The following CACNA2D1 variants were observed in gnomAD, a reference collection of about 807,000 sequenced individuals.
CACNA2D1 encodes voltage-dependent calcium channel subunit alpha-2/delta-1.
A neutral mutation model predicts 171.5 loss-of-function variants in CACNA2D1; 53 were observed. The ratio of observed to expected loss-of-function variants is 0.31; its 90% CI spans 0.25 to 0.39. The LOEUF (loss-of-function observed/expected upper bound fraction) is 0.39, where lower values mean the gene tolerates loss of function less well. CACNA2D1 is among the 10% of genes least tolerant of loss of function. CACNA2D1 has a pLI of 1.00. For synonymous variants in CACNA2D1, 442 were observed against 443.1 expected (o/e 1.00, Z 0.03); for missense variants, 903 against 1,299.8 (o/e 0.69, Z 4.69).
intron 24 of CACNA2D1, among the ~76,000 whole-genome samples, chr7:81,980,551 C>A (rs1422681633): frequency 1.3e-5 from 2 of 152,086 alleles, no homozygotes; most frequent in Non-Finnish European, 2.9e-5. Context: ...ATCATAAAGA[C>A]AATATACAAT....
intron 31 of CACNA2D1, 114 bp downstream of exon 31, chr7:81,967,055 A>G: frequency 2.8e-6 from 2 of 706,940 alleles, no homozygotes; most frequent in Non-Finnish European, 2.4e-6. Context: ...ATTTCCATAG[A>G]ATTTTTTAGC....
chr7:82,347,961 GA>G (rs1248179851), intron 2 of CACNA2D1, among the ~76,000 whole-genome samples: 1 of 150,886 alleles, frequency 6.6e-6, no homozygotes, highest in African/African-American at 2.4e-5. Flanking sequence ...AGCAGATTCA[GA>G]AAAAAAAAGT....
At chr7:82,215,226 C>A (rs1428000482) in intron 3 of CACNA2D1, among the ~76,000 whole-genome samples, 1 of 152,138 alleles carries the variant, frequency 6.6e-6, no homozygotes, top group Non-Finnish European at 1.5e-5. Context: ...TCCATTATTC[C>A]TGTTTTCTTA....
Position 82,217,910 on chromosome 7 carries a change from A to ATTATTTATTTATTTATTTAT in CACNA2D1, c.295-47321_295-47302dup, listed in dbSNP as rs60997591. On this transcript the variant is annotated intron_variant, in intron 3 of 38. Coordinates refer to ENST00000356860, the MANE Select transcript of CACNA2D1 (RefSeq NM_000722.4). ...CTATGTAGGGCTTCACCAAGACTAC[A>ATTATTTATTTATTTATTTAT]TTATTTATTTATTTATTTATTTATT... Among the ~76,000 whole-genome samples, 457 of 143,818 alleles carry ATTATTTATTTATTTATTTAT rather than the reference A, an allele frequency of 3.2e-3. 1 individual carries two copies. Among genetic ancestry groups the ATTATTTATTTATTTATTTAT allele is most frequent in the East Asian group, 7.3e-3 (36 of 4,920 alleles). 94.4% of individuals were successfully genotyped at this position (143,818 alleles called of 152,430 possible).
intron 9 of CACNA2D1, among the ~76,000 whole-genome samples, chr7:82,063,572 T>C (rs76722565): frequency 1.0e-3 from 152 of 151,650 alleles, no homozygotes; most frequent in African/African-American, 2.4e-3. Context: ...TTTTTTTTTT[T>C]CCTCAGGGAA....
At chr7:81,985,928 TA>T (rs1350406780) in intron 21 of CACNA2D1, among the ~76,000 whole-genome samples, 5 of 152,138 alleles carry the variant, frequency 3.3e-5, no homozygotes, top group African/African-American at 7.2e-5. Flanking sequence ...CTGCCCAAAA[TA>T]AAAAGCTGTT....
At chr7:82,302,101 T>C (rs556668699) in intron 3 of CACNA2D1, among the ~76,000 whole-genome samples, 44 of 152,270 alleles carry the variant, frequency 2.9e-4, no homozygotes, top group African/African-American at 9.4e-4. Context: ...AAATTTTCTT[T>C]CCTAAATAAT....
chr7:82,229,939 T>C (rs1461659748), intron 3 of CACNA2D1, among the ~76,000 whole-genome samples: 8 of 152,164 alleles, frequency 5.3e-5, no homozygotes, highest in Admixed American at 4.6e-4. Flanking sequence ...GCCACAAAAA[T>C]GTAGGTGAAG....
At chr7:82,423,104 T>C (rs1828866645) in intron 1 of CACNA2D1, among the ~76,000 whole-genome samples, 1 of 152,096 alleles carries the variant, frequency 6.6e-6, no homozygotes, top group Non-Finnish European at 1.5e-5. Flanking sequence ...ACAGGGAGAA[T>C]TATTTATACT....
intron 2 of CACNA2D1, among the ~76,000 whole-genome samples, chr7:82,338,720 T>A (rs947139193): frequency 2.0e-5 from 3 of 152,166 alleles, no homozygotes; most frequent in African/African-American, 7.2e-5. Context: ...AGGTGAGTGG[T>A]AATGTGGCAT....
intron 10 of CACNA2D1, among the ~76,000 whole-genome samples, chr7:82,048,317 T>C (rs1289521224): frequency 2.0e-5 from 3 of 152,136 alleles, no homozygotes; most frequent in Non-Finnish European, 4.4e-5. Flanking sequence ...AGGAGAGATT[T>C]CATAACATTT....
chr7:82,031,694 A>T (rs970391830), intron 12 of CACNA2D1, among the ~76,000 whole-genome samples: 1 of 151,918 alleles, frequency 6.6e-6, no homozygotes, highest in Non-Finnish European at 1.5e-5. Flanking sequence ...GGTTCCAAAA[A>T]TTTTCATCAA....
chr7:82,092,998 GT>G (rs113962217), intron 6 of CACNA2D1, among the ~76,000 whole-genome samples: 4 of 150,946 alleles, frequency 2.6e-5, no homozygotes, highest in South Asian at 2.1e-4. Context: ...AAAGTGTGTG[GT>G]TTTTTTTTGT....
rs931028030 is a variant in CACNA2D1, at chr7:81,983,196, T to C, written c.1894+118A>G. On this transcript the variant is annotated intron_variant, in intron 23 of 38. Coordinates refer to ENST00000356860, the MANE Select transcript of CACNA2D1 (RefSeq NM_000722.4). ...TTTGCTGCTAAGTTTTGAGTGATCATGAAGGAAAATTTAGCAAATGAGAAG... is the reference window on the plus strand; with the variant it reads ...TTTGCTGCTAAGTTTTGAGTGATCACGAAGGAAAATTTAGCAAATGAGAAG... The C allele has an allele frequency of 1.0e-5, 9 of 857,426 alleles. No homozygotes were observed. The African/African-American group carries it at 1.2e-4, about 11-fold the overall frequency. 53.1% of individuals were successfully genotyped at this position (857,426 alleles called of 1,614,324 possible). A position where few individuals can be genotyped will look rare whatever the true frequency, so the allele number is the denominator to read the frequency against.
intron 1 of CACNA2D1, among the ~76,000 whole-genome samples, chr7:82,424,248 G>A (rs978103740): frequency 3.3e-5 from 5 of 152,152 alleles, no homozygotes; most frequent in Non-Finnish European, 4.4e-5. Context: ...GACATGCACA[G>A]GCTGAGCAGG....
At chr7:82,335,612 G>A (rs1585546870) in intron 2 of CACNA2D1, among the ~76,000 whole-genome samples, 1 of 152,114 alleles carries the variant, frequency 6.6e-6, no homozygotes, top group East Asian at 1.9e-4. Context: ...AAGGCGAAAT[G>A]GAGCATGGGA....
chr7:82,379,102 G>A (rs566649917), intron 1 of CACNA2D1, among the ~76,000 whole-genome samples: 1 of 152,052 alleles, frequency 6.6e-6, no homozygotes, highest in African/African-American at 2.4e-5. Flanking sequence ...ACAGGGGTGA[G>A]AGAGGGGACT....
chr7:82,184,862 C>T (rs566062411), intron 3 of CACNA2D1, among the ~76,000 whole-genome samples: 1 of 152,166 alleles, frequency 6.6e-6, no homozygotes, highest in Non-Finnish European at 1.5e-5. Flanking sequence ...ATTTTCACTA[C>T]TTACTCTTTA....
chr7:82,343,445 G>C (rs1405312486), intron 2 of CACNA2D1, among the ~76,000 whole-genome samples: 3 of 152,198 alleles, frequency 2.0e-5, no homozygotes, highest in Non-Finnish European at 2.9e-5. Context: ...CATAGAACAG[G>C]TGATTATATT....
Sources: allele counts gnomAD v4.1 joint callset (sites outside exome capture counted in the v4.1 genomes callset), GRCh38; gene constraint gnomAD v4.1.1; transcripts MANE v1.5; gene names NCBI Gene and HGNC (gene_info 2026-07-23, HGNC 2026-07-21).